PLPBP: variants seen among roughly 807,000 people sequenced by gnomAD.
The protein encoded by PLPBP is pyridoxal phosphate binding protein, also known as pyridoxal phosphate homeostasis protein.
A neutral mutation model predicts 31.2 loss-of-function variants in PLPBP; 21 were observed. That is an observed-to-expected ratio of 0.67 (90% CI 0.48 to 0.97). The LOEUF (loss-of-function observed/expected upper bound fraction) is 0.97, where lower values mean the gene tolerates loss of function less well. Ranked by LOEUF, PLPBP falls within the 50% of genes least tolerant of loss-of-function variation. PLPBP has a pLI of 0.00. For missense variants in PLPBP, 308 were observed against 354.4 expected, an observed-to-expected ratio of 0.87 and a Z score of 1.05; for synonymous variants, 124 against 135.6, an observed-to-expected ratio of 0.91 and a Z score of 0.59.
intron 5 of PLPBP, 120 bp from the exon 6 acceptor site, chr8:37,775,219 C>T: frequency 8.4e-7 from 1 of 1,190,400 alleles, no homozygotes; most frequent in Non-Finnish European, 1.2e-6. Context: ...ACTTGAGGCT[C>T]TTTCAAGAGG....
In PLPBP at chr8:37,762,776, G is replaced by T; in HGVS notation, c.99+18G>T. Reference sequence around the variant, plus strand: ...GGCCGCGGGTGAGGAAGGAGGCTGCGTGGGGACGGTGGGCGGCCGCCTTGA... The same window carrying T: ...GGCCGCGGGTGAGGAAGGAGGCTGCTTGGGGACGGTGGGCGGCCGCCTTGA... On this transcript the variant is annotated intron_variant, in intron 1 of 7. Coordinates refer to ENST00000328195, the MANE Select transcript of PLPBP (RefSeq NM_007198.4). The T allele has an allele frequency of 1.3e-6, 2 of 1,544,218 alleles. No individual in the cohort carries two copies.
chr8:37,776,228 A>G (rs1803905229), intron 7 of PLPBP, among the ~76,000 whole-genome samples: 1 of 152,228 alleles, frequency 6.6e-6, no homozygotes, highest in Non-Finnish European at 1.5e-5. Flanking sequence ...CTGTAATCCC[A>G]GCACTTTGGG....
intron 1 of PLPBP, among the ~76,000 whole-genome samples, chr8:37,764,620 G>A (rs1160576680): frequency 2.0e-5 from 3 of 152,140 alleles, no homozygotes; most frequent in East Asian, 3.9e-4. Context: ...ACCTGGCCAT[G>A]CCACTGGTTC....
intron 4 of PLPBP, among the ~76,000 whole-genome samples, chr8:37,767,415 T>C (rs1803660657): frequency 6.6e-6 from 1 of 152,252 alleles, no homozygotes; most frequent in Non-Finnish European, 1.5e-5. Flanking sequence ...GTTTACATTT[T>C]TTAGAGTTTT....
chr8:37,769,224 T>A (rs1375032554), intron 4 of PLPBP, among the ~76,000 whole-genome samples: 2 of 152,182 alleles, frequency 1.3e-5, no homozygotes, highest in East Asian at 3.9e-4. Context: ...TGGTCCCAGC[T>A]ACCTGGGAGG....
chr8:37,765,740 T>A lies in PLPBP; in HGVS notation c.237T>A (p.Asn79Lys), dbSNP rs1465896579. ...AGGAACTGCTAGAAAAAGCATCAAA[T>A]CCCAAAGTAAGTAGATAGCTGAATT... The part of the protein sequence containing the change: ...YVQELLEKAS[N>K]PKILSLCPEI... Residue 79 changes from asparagine (N) to lysine (K), a missense_variant, in exon 3 of 8, where the codon AAT (asparagine) becomes AAA (lysine). Physicochemically the swap from Asn to Lys is moderately conservative, Grantham distance 94. Transcript: ENST00000328195. 6.2e-7 allele frequency: 1 copy of A among 1,611,554 alleles called. No individual in the cohort carries two copies. Among genetic ancestry groups the A allele is most frequent in the East Asian group, 2.2e-5 (1 of 44,884 alleles).
chr8:37,772,781 A>T lies in PLPBP; in HGVS notation c.346A>T (p.Thr116Ser). 1 of 1,614,184 alleles carries T rather than the reference A, an allele frequency of 6.2e-7. No individual in the cohort carries two copies. Among genetic ancestry groups the T allele is most frequent in the Non-Finnish European group, 8.5e-7 (1 of 1,180,024 alleles). Residue 116 changes from threonine (T) to serine (S), a missense_variant, in exon 5 of 8, where the codon ACA becomes TCA. By Grantham distance (58) the Thr-to-Ser change is moderately conservative. Coordinates refer to ENST00000328195, the MANE Select transcript of PLPBP (RefSeq NM_007198.4). The stretch of plus-strand genomic sequence containing the variant: ...TGTCCCCAATCTCTTCATGCTGGAA[A>T]CAGTGGATTCTGTGAAGTTGGCAGA... ...MAVPNLFMLE[T>S]VDSVKLADKV...
chr8:37,772,727 A>G, intron 4 of PLPBP, 28 bp from the exon 5 acceptor site: 1 of 1,613,430 alleles, frequency 6.2e-7, no homozygotes, highest in East Asian at 2.2e-5. Flanking sequence ...CAAATAAGGA[A>G]TACTACTTTG....
intron 4 of PLPBP, among the ~76,000 whole-genome samples, chr8:37,770,718 C>G (rs778904899): frequency 6.6e-6 from 1 of 151,908 alleles, no homozygotes; most frequent in Non-Finnish European, 1.5e-5. Flanking sequence ...GCTGGGATTA[C>G]AGGCACGCCC....
chr8:37,773,469 C>CTTTTT (rs1381266888), intron 5 of PLPBP, among the ~76,000 whole-genome samples: 1 of 119,958 alleles, frequency 8.3e-6, no homozygotes, highest in Admixed American at 8.9e-5. Context: ...CACACTCAGC[C>CTTTTT]TTTTTTTTTT....
intron 6 of PLPBP, 138 bp downstream of exon 6, chr8:37,775,619 T>C: frequency 7.6e-7 from 1 of 1,321,412 alleles, no homozygotes; most frequent in Non-Finnish European, 1.0e-6. Flanking sequence ...TTTTGAACTC[T>C]TCTCAGAAGG....
At chr8:37,764,559 G>A (rs1236255691) in intron 1 of PLPBP, among the ~76,000 whole-genome samples, 3 of 152,204 alleles carry the variant, frequency 2.0e-5, no homozygotes, top group African/African-American at 4.8e-5. Flanking sequence ...AACTTCAGGT[G>A]ATCCACCCAC....
chr8:37,769,347 A>T (rs1803715192), intron 4 of PLPBP, among the ~76,000 whole-genome samples: 1 of 151,548 alleles, frequency 6.6e-6, no homozygotes, highest in Non-Finnish European at 1.5e-5. Flanking sequence ...AATAATAATA[A>T]TATTAATAAT....
chr8:37,766,021 C>T (rs1003708745), intron 3 of PLPBP, among the ~76,000 whole-genome samples: 1 of 152,004 alleles, frequency 6.6e-6, no homozygotes, highest in African/African-American at 2.4e-5. Flanking sequence ...GATTTGAAAG[C>T]TTAAATCAGT....
chr8:37,777,846 C>T (rs1198357397), intron 7 of PLPBP, 127 bp from the exon 8 acceptor site: 3 of 1,080,018 alleles, frequency 2.8e-6, no homozygotes, highest in Non-Finnish European at 3.9e-6. Flanking sequence ...GCTGGGATTA[C>T]AGGCGTGAGC....
In PLPBP at chr8:37,775,993, A is replaced by T. The variant is rs146142368; in HGVS notation, c.673A>T (p.Met225Leu). Residue 225 changes from methionine to leucine, a missense_variant, in exon 7 of 8, where the codon ATG (methionine) becomes TTG (leucine). Transcript: ENST00000328195. ...PADQVELSMGMSADFQHAVEV... is the reference protein window; with the variant it reads ...PADQVELSMGLSADFQHAVEV... The stretch of plus-strand genomic sequence containing the variant: ...TGACCAGGTTGAGCTGAGCATGGGC[A>T]TGTCCGCGGATTTCCAGCATGCGGT... The T allele has an allele frequency of 6.2e-7, 1 of 1,613,762 alleles. No individual in the cohort carries two copies.
chr8:37,778,574 C>T lies in PLPBP; in HGVS notation c.*470C>T, dbSNP rs749017594. ...AGGTGATTTCTGCCCCCAGATTCTTCCCTAGCCGGTAGATACGTGAAGATA... is the reference window on the plus strand; with the variant it reads ...AGGTGATTTCTGCCCCCAGATTCTTTCCTAGCCGGTAGATACGTGAAGATA... On this transcript the variant is annotated 3_prime_UTR_variant, in exon 8 of 8. Transcript: ENST00000328195. The T allele has an allele frequency of 6.5e-6, 1 of 153,320 alleles. No individual in the cohort carries two copies. The highest frequency in any genetic ancestry group is 1.5e-5 in the Non-Finnish European group (1 of 68,862). 9.5% of individuals were successfully genotyped at this position (153,320 alleles called of 1,614,324 possible). A position where few individuals can be genotyped will look rare whatever the true frequency, so the allele number is the denominator to read the frequency against.
At position 37,764,701 on chromosome 8, in the gene PLPBP, GTTA is replaced by G. The variant is rs1485161575; in HGVS notation, c.100-820_100-818del. On this transcript the variant is annotated intron_variant, in intron 1 of 7. Coordinates refer to ENST00000328195, the MANE Select transcript of PLPBP (RefSeq NM_007198.4). ...CCACTTTTAGAGTAAATGGGGCAGT[GTTA>G]TTATGGTGTAATGATACACCAGGAC... Among the ~76,000 whole-genome samples the G allele has an allele frequency of 3.3e-5, 5 of 152,312 alleles. No individual in the cohort carries two copies. The South Asian group carries it at 1.0e-3, about 32-fold the overall frequency.
chr8:37,764,962 G>A (rs1443207336), intron 1 of PLPBP, among the ~76,000 whole-genome samples: 1 of 152,116 alleles, frequency 6.6e-6, no homozygotes, highest in Non-Finnish European at 1.5e-5. Context: ...CCTGAGGTCG[G>A]GAGTTCAAGG....
Sources: gnomAD v4.1 joint callset for allele counts (sites outside exome capture counted in the v4.1 genomes callset) on GRCh38, gnomAD v4.1.1 for gene constraint, MANE v1.5 for transcripts, NCBI Gene and HGNC (gene_info 2026-07-23, HGNC 2026-07-21) for gene names.